UNC5C: variants seen among roughly 807,000 people sequenced by gnomAD.
The protein encoded by UNC5C is netrin receptor UNC5C.
UNC5C carries 47 observed loss-of-function variants against 99.8 expected under a neutral mutation model. The ratio of observed to expected loss-of-function variants is 0.47; its 90% CI spans 0.37 to 0.60. The LOEUF (loss-of-function observed/expected upper bound fraction) is 0.60, where lower values mean the gene tolerates loss of function less well. Among genes scored for constraint, UNC5C ranks in the 20% least tolerant of loss-of-function variants. The probability of loss-of-function intolerance (pLI) is 0.00; values close to 1 mark genes in which losing one functional copy is unlikely to be tolerated. For missense variants in UNC5C, 1,062 were observed against 1,165.9 expected, an observed-to-expected ratio of 0.91 and a Z score of 1.30; for synonymous variants, 487 against 452.2, an observed-to-expected ratio of 1.08 and a Z score of -0.98.
intron 1 of UNC5C, among the ~76,000 whole-genome samples, chr4:95,444,073 T>C (rs1439352693): frequency 6.6e-6 from 1 of 152,194 alleles, no homozygotes; most frequent in African/African-American, 2.4e-5. Flanking sequence ...GTCTCCTGAA[T>C]ATCCTTTGAG....
chr4:95,301,616 C>T lies in UNC5C; in HGVS notation c.480G>A (p.Val160=), dbSNP rs139673541. The part of the protein sequence containing the change: ...AGTTKSRKAY[V]RIAYLRKTFE... ...TGTACAATGACTCACATGCAATGCG[C>T]ACATACGCCTTCCGGCTCTTTGTGG... The change falls in exon 3 of 16, where the codon GTG becomes GTA. Residue 160 remains valine, a synonymous_variant. Transcript: ENST00000453304. The T allele has an allele frequency of 8.1e-6, 13 of 1,613,910 alleles. No individual in the cohort carries two copies. Among genetic ancestry groups the T allele is most frequent in the South Asian group, 1.1e-5 (1 of 91,068 alleles).
At chr4:95,340,041 C>A (rs937464733) in intron 1 of UNC5C, among the ~76,000 whole-genome samples, 9 of 151,938 alleles carry the variant, frequency 5.9e-5, no homozygotes, top group Non-Finnish European at 1.2e-4. Flanking sequence ...TTTCTGTTAT[C>A]TCACATAGGC....
chr4:95,164,891 G>T lies in UNC5C; in HGVS notation c.*4343C>A, dbSNP rs1485702436. The T allele has an allele frequency of 6.6e-6, 1 of 152,242 alleles. No individual in the cohort carries two copies. The highest frequency in any genetic ancestry group is 1.5e-5 in the Non-Finnish European group (1 of 68,054). The allele number at this position is 152,242 out of a possible 1,614,324, so 9.4% of individuals were successfully genotyped here. On this transcript the variant is annotated 3_prime_UTR_variant, in exon 16 of 16. Transcript: ENST00000453304. ...AGTAAACCTTTTCTACCTTCTTTATGCTCTCTTGCAAGTCCTTATATAGGT... is the reference window on the plus strand; with the variant it reads ...AGTAAACCTTTTCTACCTTCTTTATTCTCTCTTGCAAGTCCTTATATAGGT...
chr4:95,170,103 C>G (rs749680197), intron 15 of UNC5C, 51 bp downstream of exon 15: 1 of 1,593,070 alleles, frequency 6.3e-7, no homozygotes, highest in Admixed American at 1.7e-5. Flanking sequence ...GTTATCGGTC[C>G]TGGAGGGCAC....
At chr4:95,328,048 TTTTTTTTTTTTTAA>T (rs1476604530) in intron 2 of UNC5C, among the ~76,000 whole-genome samples, 1 of 108,792 alleles carries the variant, frequency 9.2e-6, no homozygotes, top group Admixed American at 1.0e-4. Context: ...TTCTTTTTTT[TTTTTTTTTTTTTAA>T]TTTTTTTTTT....
At chr4:95,355,376 A>T (rs1044051680) in intron 1 of UNC5C, among the ~76,000 whole-genome samples, 45 of 152,104 alleles carry the variant, frequency 3.0e-4, no homozygotes, top group African/African-American at 1.1e-3. Flanking sequence ...TCCTAAATAC[A>T]CTTGAGCTCT....
chr4:95,205,516 CTA>C (rs1192167347), intron 11 of UNC5C, among the ~76,000 whole-genome samples: 1 of 152,036 alleles, frequency 6.6e-6, no homozygotes, highest in Non-Finnish European at 1.5e-5. Context: ...ACATCTAATA[CTA>C]TATTTTCTTA....
chr4:95,428,899 C>G (rs1024190051), intron 1 of UNC5C, among the ~76,000 whole-genome samples: 1 of 152,096 alleles, frequency 6.6e-6, no homozygotes, highest in Admixed American at 6.5e-5. Flanking sequence ...CACTAGGAGT[C>G]TATTATCTAC....
At chr4:95,438,164 T>G (rs1202109346) in intron 1 of UNC5C, among the ~76,000 whole-genome samples, 1 of 152,040 alleles carries the variant, frequency 6.6e-6, no homozygotes, top group Non-Finnish European at 1.5e-5. Flanking sequence ...TTGTTATTGC[T>G]TTTGCCAGGG....
intron 4 of UNC5C, among the ~76,000 whole-genome samples, chr4:95,263,594 G>A (rs1740325928): frequency 6.6e-6 from 1 of 152,182 alleles, no homozygotes; most frequent in Non-Finnish European, 1.5e-5. Flanking sequence ...AGCCCAGTGA[G>A]ATTTTGCCAA....
At chr4:95,200,175 T>C (rs933353501) in intron 12 of UNC5C, among the ~76,000 whole-genome samples, 1 of 152,210 alleles carries the variant, frequency 6.6e-6, no homozygotes, top group Non-Finnish European at 1.5e-5. Context: ...GAACGCTCAG[T>C]GTTCATAACC....
intron 1 of UNC5C, among the ~76,000 whole-genome samples, chr4:95,503,401 T>A (rs1197012293): frequency 6.6e-6 from 1 of 152,186 alleles, no homozygotes; most frequent in Non-Finnish European, 1.5e-5. Context: ...CAAAATGAAC[T>A]AAGACAATAT....
At chr4:95,367,970 G>A (rs1195349007) in intron 1 of UNC5C, among the ~76,000 whole-genome samples, 1 of 152,126 alleles carries the variant, frequency 6.6e-6, no homozygotes, top group Non-Finnish European at 1.5e-5. Flanking sequence ...TCATTCTGAT[G>A]AAAGACAGAT....
intron 1 of UNC5C, among the ~76,000 whole-genome samples, chr4:95,390,831 A>G (rs1254764742): frequency 6.6e-6 from 1 of 152,010 alleles, no homozygotes; most frequent in East Asian, 1.9e-4. Flanking sequence ...GACTCGAGAG[A>G]TTCTCCCATC....
At chr4:95,517,523 T>A (rs914157637) in intron 1 of UNC5C, among the ~76,000 whole-genome samples, 1 of 152,176 alleles carries the variant, frequency 6.6e-6, no homozygotes, top group Non-Finnish European at 1.5e-5. Context: ...GATAATCTTA[T>A]TGAAATGCTC....
intron 1 of UNC5C, among the ~76,000 whole-genome samples, chr4:95,438,908 T>C (rs1038359593): frequency 4.6e-5 from 7 of 152,186 alleles, no homozygotes; most frequent in Admixed American, 4.6e-4. Flanking sequence ...CTTCTCCTTT[T>C]CCAGTTATCC....
intron 1 of UNC5C, among the ~76,000 whole-genome samples, chr4:95,522,395 T>C (rs913188725): frequency 2.6e-5 from 4 of 152,000 alleles, no homozygotes; most frequent in Admixed American, 6.5e-5. Flanking sequence ...TGAATGAAGA[T>C]ATAAAAGTAA....
intron 7 of UNC5C, among the ~76,000 whole-genome samples, chr4:95,229,193 T>C (rs1488778687): frequency 6.6e-6 from 1 of 152,170 alleles, no homozygotes; most frequent in Admixed American, 6.5e-5. Flanking sequence ...GTTTGTTACA[T>C]AGGTATACAC....
chr4:95,283,199 G>A (rs1371715105), intron 3 of UNC5C, among the ~76,000 whole-genome samples: 1 of 152,120 alleles, frequency 6.6e-6, no homozygotes, highest in Non-Finnish European at 1.5e-5. Flanking sequence ...GCCATATAAA[G>A]GCACATTTTA....
Sources: gnomAD v4.1 joint callset for allele counts (sites outside exome capture counted in the v4.1 genomes callset) on GRCh38, gnomAD v4.1.1 for gene constraint, MANE v1.5 for transcripts, NCBI Gene and HGNC (gene_info 2026-07-23, HGNC 2026-07-21) for gene names.